The following CCDC178 variants were observed in gnomAD, a reference collection of about 807,000 sequenced individuals.
CCDC178 encodes the protein coiled-coil domain containing 178, also known as coiled-coil domain-containing protein 178.
CCDC178 carries 126 observed loss-of-function variants against 117.4 expected under a neutral mutation model. The ratio of observed to expected loss-of-function variants is 1.07; its 90% CI spans 0.93 to 1.24. The LOEUF (loss-of-function observed/expected upper bound fraction) is 1.24, where lower values mean the gene tolerates loss of function less well. Among genes scored for constraint, CCDC178 ranks in the 50% most tolerant of loss-of-function variants. CCDC178 has a pLI of 0.00. For missense variants in CCDC178, 1,030 were observed against 986.9 expected (o/e 1.04, Z -0.59); for synonymous variants, 283 against 313.4 (o/e 0.90, Z 1.02).
At chr18:33,093,760 C>G (rs1353088240) in intron 20 of CCDC178, among the ~76,000 whole-genome samples, 1 of 151,660 alleles carries the variant, frequency 6.6e-6, no homozygotes, top group Non-Finnish European at 1.5e-5. Flanking sequence ...TAAATATTTT[C>G]AAACCTGTTA....
At chr18:33,178,624 A>T (rs2012756645) in intron 20 of CCDC178, among the ~76,000 whole-genome samples, 1 of 152,058 alleles carries the variant, frequency 6.6e-6, no homozygotes, top group Admixed American at 6.6e-5. Context: ...GTCTCCCACT[A>T]CATGGCCATG....
chr18:33,270,183 A>G (rs2059870207), intron 12 of CCDC178, among the ~76,000 whole-genome samples: 2 of 151,402 alleles, frequency 1.3e-5, no homozygotes, highest in Non-Finnish European at 3.0e-5. Context: ...GAGATTATCT[A>G]GACTAAAGAA....
At chr18:33,128,118 G>A (rs2058030134) in intron 20 of CCDC178, among the ~76,000 whole-genome samples, 1 of 152,130 alleles carries the variant, frequency 6.6e-6, no homozygotes, top group African/African-American at 2.4e-5. Flanking sequence ...CAATGAGCAG[G>A]AAGAGGTAGT....
At chr18:33,107,375 C>T (rs2057722033) in intron 20 of CCDC178, among the ~76,000 whole-genome samples, 1 of 151,476 alleles carries the variant, frequency 6.6e-6, no homozygotes, top group South Asian at 2.1e-4. Context: ...TGTTTTCTAA[C>T]AGTATGTCAA....
chr18:32,985,407 ACT>A (rs2055242281), intron 21 of CCDC178, among the ~76,000 whole-genome samples: 2 of 151,934 alleles, frequency 1.3e-5, no homozygotes, highest in Non-Finnish European at 2.9e-5. Context: ...AGAATGCAAA[ACT>A]CTGACCCTAT....
chr18:33,367,355 T>A (rs1032931792), intron 6 of CCDC178, among the ~76,000 whole-genome samples: 5 of 152,080 alleles, frequency 3.3e-5, no homozygotes, highest in African/African-American at 1.2e-4. Context: ...TATGCTTAGG[T>A]TAATTCTGAA....
At chr18:33,227,689 A>G (rs1278581614) in intron 15 of CCDC178, among the ~76,000 whole-genome samples, 2 of 151,746 alleles carry the variant, frequency 1.3e-5, no homozygotes, top group African/African-American at 4.8e-5. Flanking sequence ...CAGGGTCTAT[A>G]GAGACAATAC....
chr18:33,160,197 A>T (rs537138268), intron 20 of CCDC178, among the ~76,000 whole-genome samples: 2 of 152,238 alleles, frequency 1.3e-5, no homozygotes, highest in South Asian at 4.1e-4. Context: ...CCAAAGATCT[A>T]ATTCTGGCAT....
At chr18:32,955,330 A>G (rs1481874788) in intron 22 of CCDC178, among the ~76,000 whole-genome samples, 1 of 152,210 alleles carries the variant, frequency 6.6e-6, no homozygotes, top group Non-Finnish European at 1.5e-5. Context: ...GTACTCCTAT[A>G]GAGTCATATG....
intron 20 of CCDC178, among the ~76,000 whole-genome samples, chr18:33,100,454 T>G (rs773699965): frequency 6.6e-6 from 1 of 151,910 alleles, no homozygotes; most frequent in Non-Finnish European, 1.5e-5. Flanking sequence ...GATAAGGGAA[T>G]AGAGGCATTC....
At chr18:33,135,581 C>A (rs1227196363) in intron 20 of CCDC178, among the ~76,000 whole-genome samples, 2 of 152,118 alleles carry the variant, frequency 1.3e-5, no homozygotes, top group Non-Finnish European at 2.9e-5. Context: ...AAAGTGATAA[C>A]CACCTGTAAC....
At chr18:33,090,718 G>A (rs993468734) in intron 21 of CCDC178, among the ~76,000 whole-genome samples, 1 of 152,052 alleles carries the variant, frequency 6.6e-6, no homozygotes, top group Non-Finnish European at 1.5e-5. Context: ...GACCTCCATC[G>A]CTGAAGGATG....
chr18:33,206,069 G>A (rs490610), intron 20 of CCDC178, among the ~76,000 whole-genome samples: 13,451 of 152,066 alleles, frequency 0.088, 720 homozygotes, highest in African/African-American at 0.15. Flanking sequence ...TCAACCTGGG[G>A]AGATAAAAAA....
At chr18:33,266,510 T>C (rs2059816766) in intron 14 of CCDC178, among the ~76,000 whole-genome samples, 1 of 147,778 alleles carries the variant, frequency 6.8e-6, no homozygotes, top group South Asian at 2.1e-4. Flanking sequence ...GTAAAGCTGC[T>C]TATAACTTTT....
intron 9 of CCDC178, among the ~76,000 whole-genome samples, chr18:33,336,888 T>C (rs1008609941): frequency 1.3e-5 from 2 of 152,136 alleles, no homozygotes; most frequent in African/African-American, 2.4e-5. Flanking sequence ...ACTCTTTTTT[T>C]TGGTTCCACA....
chr18:32,951,721 A>C (rs1456899371), intron 22 of CCDC178, among the ~76,000 whole-genome samples: 1 of 152,204 alleles, frequency 6.6e-6, no homozygotes, highest in Non-Finnish European at 1.5e-5. Flanking sequence ...GTCTTAACTC[A>C]TTCCAGTACT....
intron 18 of CCDC178, among the ~76,000 whole-genome samples, chr18:33,218,149 C>A (rs1396213065): frequency 6.6e-6 from 1 of 151,956 alleles, no homozygotes. Context: ...TCTCATGGCC[C>A]ACATGCTTTC....
At chr18:33,170,461 T>C (rs1464188853) in intron 20 of CCDC178, among the ~76,000 whole-genome samples, 1 of 152,136 alleles carries the variant, frequency 6.6e-6, no homozygotes, top group Non-Finnish European at 1.5e-5. Flanking sequence ...CAAAATGAAG[T>C]AATTACTCTG....
chr18:33,434,766 C>T (rs928090020), intron 2 of CCDC178, among the ~76,000 whole-genome samples: 4 of 152,068 alleles, frequency 2.6e-5, no homozygotes, highest in Admixed American at 6.6e-5. Flanking sequence ...CACATGGGGA[C>T]GTGAAATGAT....
Sources: allele counts gnomAD v4.1 joint callset (sites outside exome capture counted in the v4.1 genomes callset), GRCh38; gene constraint gnomAD v4.1.1; transcripts MANE v1.5; gene names NCBI Gene and HGNC (gene_info 2026-07-23, HGNC 2026-07-21).